TAS2R1: variants seen among roughly 807,000 people sequenced by gnomAD.
The protein encoded by TAS2R1 is taste receptor type 2 member 1.
For synonymous variants in TAS2R1, 141 were observed against 134.2 expected (o/e 1.05, Z -0.35); for missense variants, 370 against 353.4 (o/e 1.05, Z -0.38).
At chr5:9,654,536 A>G (rs1342205061) in intron 2 of TAS2R1, among the ~76,000 whole-genome samples, 2 of 152,234 alleles carry the variant, frequency 1.3e-5, no homozygotes, top group Non-Finnish European at 2.9e-5. Flanking sequence ...TGAAGCAACA[A>G]TGATGAAAAC....
At chr5:9,891,885 G>T in the TAS2R1 span, among the ~76,000 whole-genome samples, 5 of 152,106 alleles carry the variant, frequency 3.3e-5, no homozygotes, top group South Asian at 1.0e-3. Flanking sequence ...GACCCCTTCT[G>T]CAAATAAAAG....
chr5:9,857,779 C>T, the TAS2R1 span, among the ~76,000 whole-genome samples: 1 of 151,966 alleles, frequency 6.6e-6, no homozygotes, highest in Non-Finnish European at 1.5e-5. Context: ...AGGCTTGTTC[C>T]AGTCTGCAGA....
chr5:9,760,199 A>G, the TAS2R1 span, among the ~76,000 whole-genome samples: 1 of 152,218 alleles, frequency 6.6e-6, no homozygotes, highest in South Asian at 2.1e-4. Flanking sequence ...TTAAATCAAC[A>G]AGTAATAACC....
chr5:9,783,842 G>A, the TAS2R1 span, among the ~76,000 whole-genome samples: 2 of 152,206 alleles, frequency 1.3e-5, no homozygotes, highest in Admixed American at 1.3e-4. Context: ...GGGTTGATGA[G>A]TGAAGCATTC....
At chr5:9,833,884 T>C in the TAS2R1 span, among the ~76,000 whole-genome samples, 1 of 152,206 alleles carries the variant, frequency 6.6e-6, no homozygotes, top group Non-Finnish European at 1.5e-5. Flanking sequence ...AGTCCTTTTA[T>C]TATTGCTCTA....
the TAS2R1 span, among the ~76,000 whole-genome samples, chr5:9,728,205 A>G: frequency 1.3e-5 from 2 of 152,216 alleles, no homozygotes; most frequent in Non-Finnish European, 2.9e-5. Flanking sequence ...AGAAAAAAAA[A>G]TCTTGCACAA....
At chr5:9,690,174 A>G (rs1340981629) in intron 1 of TAS2R1, among the ~76,000 whole-genome samples, 1 of 152,186 alleles carries the variant, frequency 6.6e-6, no homozygotes, top group African/African-American at 2.4e-5. Flanking sequence ...ACAGAATGTT[A>G]CCCCGCTATT....
upstream of TAS2R1, among the ~76,000 whole-genome samples, chr5:9,714,998 TCTCC>T (rs1734774551): frequency 6.6e-6 from 1 of 152,248 alleles, no homozygotes; most frequent in Admixed American, 6.5e-5. Flanking sequence ...TGATGTGGAT[TCTCC>T]CTCCATCATG....
chr5:9,791,462 G>A, the TAS2R1 span, among the ~76,000 whole-genome samples: 1 of 152,316 alleles, frequency 6.6e-6, no homozygotes, highest in Non-Finnish European at 1.5e-5. Context: ...ACTTTGGGAG[G>A]CCAAGGTAGG....
At chr5:9,654,356 A>T (rs921467416) in intron 2 of TAS2R1, among the ~76,000 whole-genome samples, 4 of 152,162 alleles carry the variant, frequency 2.6e-5, no homozygotes, top group African/African-American at 9.7e-5. Context: ...ACAATCTTGT[A>T]ATTTTATTCT....
At chr5:9,721,573 T>A in the TAS2R1 span, among the ~76,000 whole-genome samples, 2 of 152,230 alleles carry the variant, frequency 1.3e-5, no homozygotes, top group Non-Finnish European at 2.9e-5. Context: ...TGCTGGACTT[T>A]TTTCTCTTCC....
the TAS2R1 span, among the ~76,000 whole-genome samples, chr5:9,849,721 A>G: frequency 6.6e-6 from 1 of 152,148 alleles, no homozygotes. Flanking sequence ...TACCTGGTCC[A>G]CTTAAAGAGC....
the TAS2R1 span, among the ~76,000 whole-genome samples, chr5:9,868,030 G>A: frequency 6.6e-6 from 1 of 152,134 alleles, no homozygotes. Context: ...AAGGCCTTGG[G>A]GAGCTCCACT....
the TAS2R1 span, among the ~76,000 whole-genome samples, chr5:9,784,316 T>C: frequency 1.3e-5 from 2 of 152,160 alleles, no homozygotes; most frequent in East Asian, 3.9e-4. Flanking sequence ...CTGAGAGCCC[T>C]TGGGCTCTCA....
the TAS2R1 span, among the ~76,000 whole-genome samples, chr5:9,845,431 T>C: frequency 6.6e-6 from 1 of 152,336 alleles, no homozygotes; most frequent in East Asian, 1.9e-4. Flanking sequence ...TGGATAAATT[T>C]GTTGCAAGTG....
upstream of TAS2R1, among the ~76,000 whole-genome samples, chr5:9,714,908 C>T (rs1428558140): frequency 6.6e-6 from 1 of 152,240 alleles, no homozygotes; most frequent in East Asian, 1.9e-4. Context: ...TATGTACATA[C>T]AGTATCTATA....
chr5:9,732,855 C>A, the TAS2R1 span, among the ~76,000 whole-genome samples: 1 of 152,150 alleles, frequency 6.6e-6, no homozygotes, highest in Non-Finnish European at 1.5e-5. Flanking sequence ...ATTTGCAGGG[C>A]AGCCCACAGG....
chr5:9,797,251 G>C, the TAS2R1 span, among the ~76,000 whole-genome samples: 1 of 152,172 alleles, frequency 6.6e-6, no homozygotes, highest in Non-Finnish European at 1.5e-5. Context: ...TTTGCTACTG[G>C]CATGTAGTGC....
chr5:9,716,013 CA>C (rs1734803397), upstream of TAS2R1, among the ~76,000 whole-genome samples: 1 of 152,178 alleles, frequency 6.6e-6, no homozygotes, highest in Non-Finnish European at 1.5e-5. Flanking sequence ...TGCCAATTAC[CA>C]AGGCGTGGAA....
Sources: gnomAD v4.1 joint callset for allele counts (sites outside exome capture counted in the v4.1 genomes callset) on GRCh38, gnomAD v4.1.1 for gene constraint, MANE v1.5 for transcripts, NCBI Gene and HGNC (gene_info 2026-07-23, HGNC 2026-07-21) for gene names.